Variants in MTUS1 observed in about 807,000 individuals in gnomAD.
MTUS1 encodes the protein microtubule associated scaffold protein 1.
Under a neutral mutation model 120.8 loss-of-function variants are expected in MTUS1, and 109 were observed. That is an observed-to-expected ratio of 0.90 (90% CI 0.77 to 1.06). The LOEUF (loss-of-function observed/expected upper bound fraction) is 1.06, where lower values mean the gene tolerates loss of function less well. Ranked by LOEUF, MTUS1 falls within the 50% of genes least tolerant of loss-of-function variation. The probability of loss-of-function intolerance (pLI) is 0.00; values close to 1 mark genes in which losing one functional copy is unlikely to be tolerated. For missense variants in MTUS1, 2,210 were observed against 1,486.3 expected, an observed-to-expected ratio of 1.49 and a Z score of -8.01; for synonymous variants, 737 against 550.5, an observed-to-expected ratio of 1.34 and a Z score of -4.74.
chr8:17,699,396 G>C (rs1448287947), intron 6 of MTUS1, among the ~76,000 whole-genome samples: 3 of 152,044 alleles, frequency 2.0e-5, no homozygotes, highest in African/African-American at 7.2e-5. Flanking sequence ...TGTATTTTTA[G>C]TAGAGATGAG....
At chr8:17,686,616 A>C (rs1239279749) in intron 6 of MTUS1, among the ~76,000 whole-genome samples, 1 of 152,166 alleles carries the variant, frequency 6.6e-6, no homozygotes, top group Admixed American at 6.6e-5. Context: ...TTCTATGCTA[A>C]TCAACGCTAT....
At chr8:17,700,579 A>G (rs568678288) in intron 6 of MTUS1, among the ~76,000 whole-genome samples, 1 of 152,278 alleles carries the variant, frequency 6.6e-6, no homozygotes, top group Non-Finnish European at 1.5e-5. Flanking sequence ...ACATTAAACA[A>G]AAACGATTAA....
intron 5 of MTUS1, 141 bp downstream of exon 5, chr8:17,715,626 A>G: frequency 3.2e-6 from 3 of 926,458 alleles, no homozygotes; most frequent in Non-Finnish European, 4.8e-6. Flanking sequence ...TCAGTGCAAA[A>G]ATGTATTATA....
chr8:17,672,990 G>A (rs1002476893), intron 8 of MTUS1, among the ~76,000 whole-genome samples: 1 of 152,196 alleles, frequency 6.6e-6, no homozygotes, highest in Non-Finnish European at 1.5e-5. Context: ...CATTCTCATT[G>A]CTGCCTTGTC....
At chr8:17,657,293 G>A (rs978838735) in intron 8 of MTUS1, among the ~76,000 whole-genome samples, 4 of 151,840 alleles carry the variant, frequency 2.6e-5, no homozygotes, top group Non-Finnish European at 5.9e-5. Flanking sequence ...CTGAGACCGG[G>A]CGCGGTGGCT....
intron 2 of MTUS1, among the ~76,000 whole-genome samples, chr8:17,746,376 G>A (rs143776443): frequency 2.3e-3 from 348 of 152,138 alleles, no homozygotes; most frequent in Non-Finnish European, 3.3e-3. Context: ...TTTTCACAAC[G>A]CTGATAAAGT....
At chr8:17,784,827 C>T (rs1241073830) in intron 1 of MTUS1, among the ~76,000 whole-genome samples, 1 of 151,934 alleles carries the variant, frequency 6.6e-6, no homozygotes, top group African/African-American at 2.4e-5. Context: ...CTCTATCACC[C>T]AGGCTGGAGT....
intron 8 of MTUS1, among the ~76,000 whole-genome samples, chr8:17,658,554 G>A (rs185833425): frequency 4.9e-4 from 75 of 152,264 alleles, no homozygotes; most frequent in Non-Finnish European, 8.1e-4. Flanking sequence ...TAACTGTCAG[G>A]GATACACATG....
chr8:17,691,161 A>C (rs1014883833), intron 6 of MTUS1: 4 of 152,166 alleles, frequency 2.6e-5, no homozygotes, highest in Non-Finnish European at 4.4e-5. Flanking sequence ...GTAATTTATT[A>C]CTTACTTTCC....
At chr8:17,753,640 GATAACT>G in intron 2 of MTUS1, 71 bp downstream of exon 2, 1 of 973,112 alleles carries the variant, frequency 1.0e-6, no homozygotes, top group Non-Finnish European at 1.5e-6. Flanking sequence ...TTGACTAATA[GATAACT>G]AAATGCTAAC....
At chr8:17,725,284 T>A (rs531165250) in intron 3 of MTUS1, among the ~76,000 whole-genome samples, 2 of 152,336 alleles carry the variant, frequency 1.3e-5, no homozygotes, top group South Asian at 2.1e-4. Flanking sequence ...CATTGCTTTG[T>A]TCTAGCGATT....
intron 6 of MTUS1, among the ~76,000 whole-genome samples, chr8:17,704,590 G>A (rs1424985994): frequency 6.6e-6 from 1 of 152,114 alleles, no homozygotes; most frequent in African/African-American, 2.4e-5. Flanking sequence ...TATATGCACG[G>A]ATTTATTTCT....
chr8:17,735,847 G>A lies in MTUS1; in HGVS notation c.2287+7757C>T, dbSNP rs149845723. Among the ~76,000 whole-genome samples, 54 of 152,348 alleles carry A rather than the reference G, an allele frequency of 3.5e-4. 1 individual carries two copies. The highest frequency in any genetic ancestry group is 3.4e-3 in the Middle Eastern group (1 of 294). Reference sequence around the variant, plus strand: ...CTAAGAGCTGAACTCTATCCTTATGGATTTCACCGTCTAGAAGGAGACAGA... The same window carrying A: ...CTAAGAGCTGAACTCTATCCTTATGAATTTCACCGTCTAGAAGGAGACAGA... On this transcript the variant is annotated intron_variant, in intron 3 of 14. Coordinates refer to ENST00000693296, the MANE Select transcript of MTUS1 (RefSeq NM_001363059.2).
rs550137447 is a variant in MTUS1 at position 17,733,114 on chromosome 8, G to A, written c.2288-9281C>T. On this transcript the variant is annotated intron_variant, in intron 3 of 14. Transcript: ENST00000693296. The stretch of plus-strand genomic sequence containing the variant: ...GCCCGTAATCCCAGCACTTTGGAAG[G>A]CCGAGGTGGGTGGATCACCTGAGGT... Among the ~76,000 whole-genome samples the A allele has an allele frequency of 3.3e-5, 5 of 152,308 alleles. No individual in the cohort carries two copies. In the South Asian group the frequency reaches 1.0e-3, roughly 32 times the overall value.
chr8:17,741,200 G>A (rs1253401645), intron 3 of MTUS1, among the ~76,000 whole-genome samples: 4 of 151,874 alleles, frequency 2.6e-5, no homozygotes, highest in Non-Finnish European at 2.9e-5. Flanking sequence ...CTTTTTCTAA[G>A]GGCACCACCC....
At chr8:17,669,117 G>T (rs777459064) in intron 8 of MTUS1, among the ~76,000 whole-genome samples, 6 of 152,166 alleles carry the variant, frequency 3.9e-5, no homozygotes, top group Non-Finnish European at 7.3e-5. Context: ...ATTCTAGATG[G>T]CAAGAAGAGG....
chr8:17,709,678 T>C (rs1380553759), intron 6 of MTUS1, among the ~76,000 whole-genome samples: 2 of 152,032 alleles, frequency 1.3e-5, no homozygotes, highest in African/African-American at 2.4e-5. Flanking sequence ...CACTACACTA[T>C]AGTCTAGTGT....
At chr8:17,722,070 A>G (rs1002006063) in intron 4 of MTUS1, 2 of 1,330,288 alleles carry the variant, frequency 1.5e-6, no homozygotes, top group African/African-American at 3.0e-5. Flanking sequence ...AAACTAAGAA[A>G]GAGACTCACT....
intron 7 of MTUS1, among the ~76,000 whole-genome samples, chr8:17,683,156 C>T (rs974747470): frequency 2.0e-5 from 3 of 152,120 alleles, no homozygotes; most frequent in Admixed American, 6.5e-5. Flanking sequence ...CCTGCAGTCC[C>T]AGCTACTCGG....
Sources: gnomAD v4.1 joint callset for allele counts (sites outside exome capture counted in the v4.1 genomes callset) on GRCh38, gnomAD v4.1.1 for gene constraint, MANE v1.5 for transcripts, NCBI Gene and HGNC (gene_info 2026-07-23, HGNC 2026-07-21) for gene names.